The following PHAF1 variants were observed in gnomAD, a reference collection of about 807,000 sequenced individuals.
PHAF1 encodes the protein phagosome assembly factor 1.
Under a neutral mutation model 63.1 loss-of-function variants are expected in PHAF1, and 23 were observed. The observed-to-expected ratio is 0.36, with a 90% CI of 0.26 to 0.52. The LOEUF is 0.52. Among genes scored for constraint, PHAF1 ranks in the 20% least tolerant of loss-of-function variants. PHAF1 has a pLI of 0.93. For synonymous variants in PHAF1, 167 were observed against 185.0 expected (o/e 0.90, Z 0.79); for missense variants, 427 against 517.2 (o/e 0.83, Z 1.69).
intron 3 of PHAF1, among the ~76,000 whole-genome samples, chr16:67,128,724 T>C (rs550945291): frequency 1.3e-5 from 2 of 152,258 alleles, no homozygotes; most frequent in East Asian, 3.9e-4. Context: ...TGCAGCAAGC[T>C]CCAAGAGATG....
chr16:67,120,987 T>C (rs1284661262), intron 2 of PHAF1, among the ~76,000 whole-genome samples: 1 of 152,206 alleles, frequency 6.6e-6, no homozygotes, highest in African/African-American at 2.4e-5. Context: ...GCCTGTTACC[T>C]ATACCCAGAG....
chr16:67,144,892 C>T lies in PHAF1; in HGVS notation c.1006+15C>T, dbSNP rs779307703. The T allele has an allele frequency of 4.3e-6, 7 of 1,612,236 alleles. No individual in the cohort carries two copies. In the South Asian group the frequency reaches 4.4e-5, roughly 10 times the overall value. ...CATAAAGAAAGGTGAGTAGTGAAAG[C>T]TCTCAGGGTAAGGGAGGGGTTTTAG... is the stretch of plus-strand genomic sequence containing the variant. On this transcript the variant is annotated intron_variant, in intron 12 of 15. Coordinates refer to ENST00000219139, the MANE Select transcript of PHAF1 (RefSeq NM_025187.5).
Position 67,110,227 on chromosome 16 carries a change from G to C in PHAF1, c.52G>C (p.Glu18Gln). 6.4e-7 allele frequency: 1 copy of C among 1,552,408 alleles called. No individual in the cohort carries two copies. Among genetic ancestry groups the C allele is most frequent in the Non-Finnish European group, 8.7e-7 (1 of 1,147,424 alleles). ...PERSLGNEQW[E>Q]FTLGMPLAQA... ...ACGCTCTCTGGGGAACGAGCAATGG[G>C]AATTCACGCTGGGTGAGTTTGGGGT... The change falls in exon 1 of 16, where the codon GAA (glutamate) becomes CAA (glutamine). Residue 18 changes from glutamate (E) to glutamine (Q), a missense_variant. By Grantham distance (29) the Glu-to-Gln change is conservative. Transcript: ENST00000219139.
In PHAF1 at chr16:67,148,321, G is replaced by C. The variant is rs1030837875; in HGVS notation, c.*1190G>C. The C allele has an allele frequency of 6.5e-6, 1 of 152,676 alleles. No individual in the cohort carries two copies. The highest frequency in any genetic ancestry group is 2.4e-5 in the African/African-American group (1 of 41,448). The allele number at this position is 152,676 out of a possible 1,614,324, so 9.5% of individuals were successfully genotyped here. On this transcript the variant is annotated 3_prime_UTR_variant, in exon 16 of 16. Coordinates refer to ENST00000219139, the MANE Select transcript of PHAF1 (RefSeq NM_025187.5). ...TGGGCCTTATAGCCAGGTTTGTGTG[G>C]CGCTCCCGACTTTTGTGACTGACTG...
chr16:67,138,462 A>G (rs1175286091), intron 8 of PHAF1, among the ~76,000 whole-genome samples: 3 of 152,114 alleles, frequency 2.0e-5, no homozygotes, highest in Non-Finnish European at 4.4e-5. Context: ...AGATGGTGTC[A>G]GTGATTATCA....
chr16:67,113,954 C>G (rs903805972), intron 1 of PHAF1, among the ~76,000 whole-genome samples: 1 of 151,868 alleles, frequency 6.6e-6, no homozygotes, highest in East Asian at 1.9e-4. Context: ...CCTCCCGTCT[C>G]GGCTCCCAAA....
chr16:67,116,810 A>G (rs936369546), intron 1 of PHAF1, among the ~76,000 whole-genome samples: 6 of 152,110 alleles, frequency 3.9e-5, no homozygotes, highest in Non-Finnish European at 8.8e-5. Context: ...AGATTGCACC[A>G]CTACACTCCA....
At chr16:67,135,264 C>A (rs1414880733) in intron 8 of PHAF1, 1 of 153,118 alleles carries the variant, frequency 6.5e-6, no homozygotes, top group East Asian at 1.9e-4. Flanking sequence ...TCTCCTGCCT[C>A]AGCCTCCCAA....
chr16:67,138,161 C>T (rs1265087833), intron 8 of PHAF1, among the ~76,000 whole-genome samples: 1 of 152,018 alleles, frequency 6.6e-6, no homozygotes, highest in African/African-American at 2.4e-5. Flanking sequence ...CTTACAGCCC[C>T]CATCTGACAT....
chr16:67,139,740 G>A (rs1190969608), intron 8 of PHAF1: 2 of 502,366 alleles, frequency 4.0e-6, no homozygotes, highest in South Asian at 3.0e-5. Context: ...GAATGAATAA[G>A]TGAATGAAGT....
intron 10 of PHAF1, among the ~76,000 whole-genome samples, chr16:67,143,544 C>T (rs952095215): frequency 1.3e-5 from 2 of 152,188 alleles, no homozygotes; most frequent in African/African-American, 2.4e-5. Flanking sequence ...CTCCTGGGGC[C>T]TTGGTTTCCT....
intron 10 of PHAF1, among the ~76,000 whole-genome samples, chr16:67,141,561 G>A (rs1963810543): frequency 6.6e-6 from 1 of 152,206 alleles, no homozygotes; most frequent in African/African-American, 2.4e-5. Context: ...GCCTGCCAAG[G>A]GCAAGCCAGG....
rs746259532 is a variant in PHAF1, at chr16:67,119,859, A to G, written c.65-253A>G. On this transcript the variant is annotated intron_variant, in intron 1 of 15. Transcript: ENST00000219139. Reference sequence around the variant, plus strand: ...TGATTTTTGTGATATCCACCACCACAGATAAGCAAAAGAGTCCTTGCATTC... The same window carrying G: ...TGATTTTTGTGATATCCACCACCACGGATAAGCAAAAGAGTCCTTGCATTC... 3.9e-5 allele frequency among the ~76,000 whole-genome samples: 6 copies of G among 152,256 alleles called. No homozygotes were observed. In the South Asian group the frequency reaches 6.2e-4, roughly 16 times the overall value.
chr16:67,117,824 T>C lies in PHAF1; in HGVS notation c.65-2288T>C, dbSNP rs569424239. Among the ~76,000 whole-genome samples the C allele has an allele frequency of 1.3e-4, 20 of 149,726 alleles. 1 individual carries two copies. The South Asian group carries it at 2.5e-3, about 19-fold the overall frequency. On this transcript the variant is annotated intron_variant, in intron 1 of 15. Transcript: ENST00000219139. ...CGCCCTGTTGCTTTTTTTTTTTTTTTCCTCCTGAGACAGCACCTGGCTCTG... is the reference window on the plus strand; with the variant it reads ...CGCCCTGTTGCTTTTTTTTTTTTTTCCCTCCTGAGACAGCACCTGGCTCTG...
rs1297952977 is a variant in PHAF1 at position 67,148,467 on chromosome 16, TCC to T, written c.*1339_*1340del. On this transcript the variant is annotated 3_prime_UTR_variant, in exon 16 of 16. Coordinates refer to ENST00000219139, the MANE Select transcript of PHAF1 (RefSeq NM_025187.5). ...GAACCTTCCTTATCCCCTGCCCACA[TCC>T]CCTCTCCAATAAAGCACCTGTGCCC... 7.9e-5 allele frequency: 12 copies of T among 152,450 alleles called. No individual in the cohort carries two copies. The highest frequency in any genetic ancestry group is 7.2e-4 in the Admixed American group (11 of 15,272). 9.4% of individuals were successfully genotyped at this position (152,450 alleles called of 1,614,324 possible).
intron 6 of PHAF1, 70 bp from the exon 7 acceptor site, chr16:67,134,098 C>A: frequency 2.3e-6 from 3 of 1,312,420 alleles, no homozygotes; most frequent in South Asian, 1.2e-5. Context: ...CCATGAGTGA[C>A]AGGGAAGACC....
At position 67,147,223 on chromosome 16, in the gene PHAF1, C is replaced by T; in HGVS notation, c.*92C>T. On this transcript the variant is annotated 3_prime_UTR_variant, in exon 16 of 16. Transcript: ENST00000219139. Reference sequence around the variant, plus strand: ...GTACCACCCTGTGGGTTTTCTTGGACACCTGGCCAGTGCTGAAGGGCTGTT... The same window carrying T: ...GTACCACCCTGTGGGTTTTCTTGGATACCTGGCCAGTGCTGAAGGGCTGTT... 2 of 1,274,056 alleles carry T rather than the reference C, an allele frequency of 1.6e-6. No individual in the cohort carries two copies. The highest frequency in any genetic ancestry group is 2.3e-6 in the Non-Finnish European group (2 of 884,232). The allele number at this position is 1,274,056 out of a possible 1,614,324, so 78.9% of individuals were successfully genotyped here. A position where few individuals can be genotyped will look rare whatever the true frequency, so the allele number is the denominator to read the frequency against.
intron 15 of PHAF1, 42 bp downstream of exon 15, chr16:67,146,392 G>A: frequency 6.3e-7 from 1 of 1,575,642 alleles, no homozygotes. Context: ...CTGGGGGGTT[G>A]CTGGTCATGG....
At chr16:67,132,391 G>T in intron 4 of PHAF1, 55 bp from the exon 5 acceptor site, 3 of 1,425,264 alleles carry the variant, frequency 2.1e-6, no homozygotes, top group Admixed American at 2.0e-5. Context: ...TATCTCACAT[G>T]ATCTGTGGGC....
Sources: gnomAD v4.1 joint callset for allele counts (sites outside exome capture counted in the v4.1 genomes callset) on GRCh38, gnomAD v4.1.1 for gene constraint, MANE v1.5 for transcripts, NCBI Gene and HGNC (gene_info 2026-07-23, HGNC 2026-07-21) for gene names.